AOPEP: variants seen among roughly 807,000 people sequenced by gnomAD.
The protein encoded by AOPEP is aminopeptidase O (putative), also known as aminopeptidase O.
Under a neutral mutation model 98.1 loss-of-function variants are expected in AOPEP, and 77 were observed. The ratio of observed to expected loss-of-function variants is 0.78; its 90% CI spans 0.65 to 0.95. The LOEUF (loss-of-function observed/expected upper bound fraction) is 0.95, where lower values mean the gene tolerates loss of function less well. Ranked by LOEUF, AOPEP falls within the 40% of genes least tolerant of loss-of-function variation. The probability of loss-of-function intolerance (pLI) is 0.00; values close to 1 mark genes in which losing one functional copy is unlikely to be tolerated. For synonymous variants in AOPEP, 346 were observed against 365.3 expected, an observed-to-expected ratio of 0.95 and a Z score of 0.60; for missense variants, 1,024 against 1,024.7, an observed-to-expected ratio of 1.00 and a Z score of 0.01.
chr9:95,125,091 T>C, the AOPEP span: 2 of 1,613,966 alleles, frequency 1.2e-6, no homozygotes, highest in Admixed American at 1.7e-5. Context: ...CAAACCTGCT[T>C]GCTTGCTTTC....
intron 13 of AOPEP, among the ~76,000 whole-genome samples, chr9:95,029,091 C>G (rs190472512): frequency 6.6e-6 from 1 of 152,288 alleles, no homozygotes; most frequent in East Asian, 1.9e-4. Context: ...AAAACTGATT[C>G]TCTCAGGGGC....
chr9:95,135,516 A>T, the AOPEP span: 7 of 1,612,838 alleles, frequency 4.3e-6, no homozygotes, highest in East Asian at 1.6e-4. Context: ...TCAGAAAGAA[A>T]TAAACAAAAT....
At chr9:94,874,857 C>T (rs2046739805) in intron 5 of AOPEP, among the ~76,000 whole-genome samples, 1 of 152,122 alleles carries the variant, frequency 6.6e-6, no homozygotes, top group African/African-American at 2.4e-5. Flanking sequence ...GGCAGACTTG[C>T]TTTGCTGAAT....
At position 94,846,420 on chromosome 9, in the gene AOPEP, C is replaced by T. The variant is rs536074167; in HGVS notation, c.1364+45418C>T. Among the ~76,000 whole-genome samples, 11 of 152,172 alleles carry T rather than the reference C, an allele frequency of 7.2e-5. No individual in the cohort carries two copies. The East Asian group carries it at 1.9e-3, about 27-fold the overall frequency. ...TAGAATATTGGGAAAAGAAGTTTAA[C>T]TGGAGTGAGTTGAGAGAAGGTGGGG... is the stretch of plus-strand genomic sequence containing the variant. On this transcript the variant is annotated intron_variant, in intron 5 of 16. Coordinates refer to ENST00000375315, the MANE Select transcript of AOPEP (RefSeq NM_001193329.3).
chr9:95,136,571 C>G, the AOPEP span, among the ~76,000 whole-genome samples: 1 of 152,104 alleles, frequency 6.6e-6, no homozygotes, highest in Non-Finnish European at 1.5e-5. Context: ...CCTGTAACCT[C>G]AAACTCCTAG....
At chr9:95,122,022 G>A in the AOPEP span, among the ~76,000 whole-genome samples, 4 of 151,934 alleles carry the variant, frequency 2.6e-5, no homozygotes, top group Middle Eastern at 3.4e-3. Context: ...CATGCCCGGC[G>A]AATTTTTTTG....
intron 1 of AOPEP, among the ~76,000 whole-genome samples, chr9:94,738,592 G>T (rs56261629): frequency 0.052 from 7,883 of 151,468 alleles, 230 homozygotes; most frequent in Admixed American, 0.077. Flanking sequence ...ATTTTTTTTT[G>T]AGATGGAGTC....
chr9:95,082,778 C>A, intron 16 of AOPEP, 59 bp downstream of exon 16: 2 of 1,572,014 alleles, frequency 1.3e-6, no homozygotes, highest in South Asian at 1.1e-5. Flanking sequence ...CTTTTAGGAG[C>A]CAACTAAATC....
chr9:94,965,842 G>T (rs967913933), intron 9 of AOPEP, among the ~76,000 whole-genome samples: 1 of 151,774 alleles, frequency 6.6e-6, no homozygotes, highest in African/African-American at 2.4e-5. Context: ...TCGGTCTGCA[G>T]TTCGCTGGGT....
intron 13 of AOPEP, among the ~76,000 whole-genome samples, chr9:95,016,536 C>T (rs2063014717): frequency 6.6e-6 from 1 of 152,050 alleles, no homozygotes; most frequent in Admixed American, 6.6e-5. Flanking sequence ...AGCCACCGCG[C>T]CAGGCCCTTT....
chr9:94,932,636 A>T (rs1382841751), intron 7 of AOPEP: 1 of 188,000 alleles, frequency 5.3e-6, no homozygotes, highest in Non-Finnish European at 9.9e-6. Flanking sequence ...GGCATGTGCC[A>T]CTATGCCCGG....
chr9:94,790,364 A>C (rs1351988858), intron 3 of AOPEP, among the ~76,000 whole-genome samples: 1 of 151,328 alleles, frequency 6.6e-6, no homozygotes, highest in Non-Finnish European at 1.5e-5. Context: ...ATGGGGTTTC[A>C]CCATATTGCC....
intron 5 of AOPEP, among the ~76,000 whole-genome samples, chr9:94,907,018 C>T (rs986222276): frequency 3.3e-5 from 5 of 152,142 alleles, no homozygotes; most frequent in Non-Finnish European, 7.3e-5. Flanking sequence ...GCATCACTGG[C>T]TTGCTGTTCC....
chr9:95,005,136 A>G (rs1242530330), intron 11 of AOPEP, 22 bp from the exon 12 acceptor site: 2 of 1,128,098 alleles, frequency 1.8e-6, no homozygotes, highest in Middle Eastern at 4.0e-4. Flanking sequence ...GGTAAACTTG[A>G]CTGTGTCCTC....
At chr9:94,989,701 T>G (rs1460019433) in intron 11 of AOPEP, among the ~76,000 whole-genome samples, 1 of 145,550 alleles carries the variant, frequency 6.9e-6, no homozygotes, top group Non-Finnish European at 1.5e-5. Context: ...AACCTCCACC[T>G]CCACGAATCA....
At chr9:95,053,304 C>A (rs1007449845) in intron 13 of AOPEP, among the ~76,000 whole-genome samples, 36 of 152,264 alleles carry the variant, frequency 2.4e-4, no homozygotes, top group Admixed American at 2.0e-3. Context: ...TCCTTATTTT[C>A]TTATTATGTA....
intron 5 of AOPEP, among the ~76,000 whole-genome samples, chr9:94,887,429 G>A (rs1313498430): frequency 2.0e-5 from 3 of 152,046 alleles, no homozygotes; most frequent in African/African-American, 4.8e-5. Context: ...AATGGCATAA[G>A]CATTGTACTT....
the AOPEP span, among the ~76,000 whole-genome samples, chr9:95,094,002 C>A: frequency 5.3e-5 from 8 of 152,174 alleles, no homozygotes; most frequent in Non-Finnish European, 1.0e-4. Flanking sequence ...TAAGAGTGTG[C>A]ACTTGCTTGC....
intron 1 of AOPEP, 52 bp from the exon 2 acceptor site, chr9:94,759,597 C>A: frequency 1.8e-6 from 1 of 566,790 alleles, no homozygotes; most frequent in South Asian, 2.5e-5. Flanking sequence ...GTTGCAGGAG[C>A]ACTTAGGTCT....
Sources: allele counts gnomAD v4.1 joint callset (sites outside exome capture counted in the v4.1 genomes callset), GRCh38; gene constraint gnomAD v4.1.1; transcripts MANE v1.5; gene names NCBI Gene and HGNC (gene_info 2026-07-23, HGNC 2026-07-21).